NTRK2: variants seen among roughly 807,000 people sequenced by gnomAD.
NTRK2 encodes neurotrophic receptor tyrosine kinase 2, also known as BDNF/NT-3 growth factors receptor.
Under a neutral mutation model 94.5 loss-of-function variants are expected in NTRK2, and 13 were observed. The ratio of observed to expected loss-of-function variants is 0.14; its 90% CI spans 0.09 to 0.22. NTRK2 has a LOEUF of 0.22. Ranked by LOEUF, NTRK2 falls within the 10% of genes least tolerant of loss-of-function variation. The pLI, the probability that NTRK2 is intolerant of heterozygous loss-of-function variation, is 1.00. For missense variants in NTRK2, 639 were observed against 1,071.2 expected, an observed-to-expected ratio of 0.60 and a Z score of 5.63; for synonymous variants, 372 against 407.4, an observed-to-expected ratio of 0.91 and a Z score of 1.05.
At chr9:84,741,824 A>G (rs2063672803) in intron 9 of NTRK2, 68 bp from the exon 10 acceptor site, 1 of 1,341,080 alleles carries the variant, frequency 7.5e-7, no homozygotes, top group African/African-American at 1.4e-5. Flanking sequence ...ATTTTAGTTG[A>G]CATAGGTTAG....
At chr9:84,725,929 C>G (rs2132054473) in intron 8 of NTRK2, among the ~76,000 whole-genome samples, 1 of 152,224 alleles carries the variant, frequency 6.6e-6, no homozygotes, top group South Asian at 2.1e-4. Context: ...AGGAATGTCA[C>G]TGGTAACTGG....
At chr9:85,002,658 A>T (rs1425010149) in intron 17 of NTRK2, among the ~76,000 whole-genome samples, 1 of 152,250 alleles carries the variant, frequency 6.6e-6, no homozygotes, top group East Asian at 1.9e-4. Context: ...TACACACTGT[A>T]AAGAACTAGC....
At chr9:84,893,523 C>G (rs1290637549) in intron 14 of NTRK2, among the ~76,000 whole-genome samples, 1 of 152,094 alleles carries the variant, frequency 6.6e-6, no homozygotes, top group Non-Finnish European at 1.5e-5. Flanking sequence ...TTCTCATTGG[C>G]AGTGTAGATG....
At chr9:84,769,173 T>C (rs1327537406) in intron 12 of NTRK2, among the ~76,000 whole-genome samples, 1 of 152,142 alleles carries the variant, frequency 6.6e-6, no homozygotes, top group East Asian at 1.9e-4. Flanking sequence ...TTGCCTTAAA[T>C]TGTACGTGGT....
intron 12 of NTRK2, among the ~76,000 whole-genome samples, chr9:84,822,215 G>GA (rs2072894535): frequency 6.6e-6 from 1 of 152,118 alleles, no homozygotes; most frequent in Non-Finnish European, 1.5e-5. Flanking sequence ...CCAAGTGGAG[G>GA]AAAAACAAAG....
At chr9:84,968,522 G>A (rs1825824139) in intron 17 of NTRK2, among the ~76,000 whole-genome samples, 1 of 152,100 alleles carries the variant, frequency 6.6e-6, no homozygotes, top group Admixed American at 6.5e-5. Flanking sequence ...AGGGAATCTG[G>A]GTTTTTTGTC....
At chr9:84,874,222 C>A (rs201664916) in intron 14 of NTRK2, 190 of 1,065,246 alleles carry the variant, frequency 1.8e-4, no homozygotes, top group Non-Finnish European at 2.0e-4. Context: ...TGCAGAGTAG[C>A]CTCCTATGTT....
chr9:84,721,179 CTTTT>C (rs150800902), intron 6 of NTRK2, among the ~76,000 whole-genome samples: 1 of 147,052 alleles, frequency 6.8e-6, no homozygotes, highest in Non-Finnish European at 1.5e-5. Context: ...TCATAATAAT[CTTTT>C]TTTTTTTTTT....
intron 17 of NTRK2, among the ~76,000 whole-genome samples, chr9:85,018,315 C>T (rs1043236667): frequency 6.6e-6 from 1 of 152,158 alleles, no homozygotes; most frequent in Non-Finnish European, 1.5e-5. Context: ...CAGAGAATGG[C>T]AAGGAGACTA....
intron 14 of NTRK2, chr9:84,875,828 CTCT>C (rs1262287553): frequency 9.6e-7 from 1 of 1,045,034 alleles, no homozygotes; most frequent in Non-Finnish European, 1.2e-6. Context: ...GCAAGGAGGC[CTCT>C]ATCAATAGTA....
rs543578922 is a variant in NTRK2, at chr9:84,719,736, C to G, written c.584-3837C>G. On this transcript the variant is annotated intron_variant, in intron 6 of 18. Transcript: ENST00000277120. ...CTATAAATATAGAAAGTGGAAGAGTCGGCTGGGCACGGTGGCTCATACCTA... is the reference window on the plus strand; with the variant it reads ...CTATAAATATAGAAAGTGGAAGAGTGGGCTGGGCACGGTGGCTCATACCTA... Among the ~76,000 whole-genome samples, 5 of 151,894 alleles carry G rather than the reference C, an allele frequency of 3.3e-5. No homozygotes were observed. The East Asian group carries it at 9.7e-4, about 30-fold the overall frequency.
rs1833035453 is a variant in NTRK2, at chr9:85,026,383, C to T, written c.*4946C>T. 1 of 231,616 alleles carries T rather than the reference C, an allele frequency of 4.3e-6. No individual in the cohort carries two copies. Among genetic ancestry groups the T allele is most frequent in the Non-Finnish European group, 8.5e-6 (1 of 117,258 alleles). 14.3% of individuals were successfully genotyped at this position (231,616 alleles called of 1,614,324 possible). On this transcript the variant is annotated 3_prime_UTR_variant, in exon 19 of 19. Transcript: ENST00000277120. ...TAGCTGAACGTTCAATGTACTGGAG[C>T]AAGCATCATAAAAGCTGCTAGTAGC...
At chr9:84,978,733 G>A (rs1827215297) in intron 17 of NTRK2, among the ~76,000 whole-genome samples, 1 of 152,214 alleles carries the variant, frequency 6.6e-6, no homozygotes, top group Admixed American at 6.5e-5. Flanking sequence ...AGAAGTCAGT[G>A]CCTGGCTTCA....
intron 16 of NTRK2, among the ~76,000 whole-genome samples, chr9:84,950,959 G>C (rs889004478): frequency 1.3e-5 from 2 of 152,318 alleles, no homozygotes; most frequent in East Asian, 3.9e-4. Context: ...GCTGAAGAGG[G>C]CTTTGCACAG....
chr9:84,996,274 G>T (rs1829739100), intron 17 of NTRK2, among the ~76,000 whole-genome samples: 1 of 152,222 alleles, frequency 6.6e-6, no homozygotes, highest in African/African-American at 2.4e-5. Context: ...CAGCATGAAA[G>T]ACGTTGCTAT....
chr9:84,979,500 G>A (rs1332187693), intron 17 of NTRK2, among the ~76,000 whole-genome samples: 1 of 152,192 alleles, frequency 6.6e-6, no homozygotes, highest in Non-Finnish European at 1.5e-5. Flanking sequence ...TCTCATGAAT[G>A]AACAAATAAA....
intron 6 of NTRK2, among the ~76,000 whole-genome samples, chr9:84,715,609 TG>T (rs1469258910): frequency 6.6e-6 from 1 of 152,122 alleles, no homozygotes; most frequent in African/African-American, 2.4e-5. Flanking sequence ...CCACATTAAT[TG>T]GAATAGAGAG....
rs576347551 is a variant in NTRK2 at position 85,023,986 on chromosome 9, C to CT, written c.*2557dup. The CT allele has an allele frequency of 2.5e-3, 576 of 228,884 alleles. 1 individual carries two copies. Among genetic ancestry groups the CT allele is most frequent in the Non-Finnish European group, 2.8e-3 (320 of 115,510 alleles). The allele number at this position is 228,884 out of a possible 1,614,324, so 14.2% of individuals were successfully genotyped here. ...TGGGAGCATCCCATTCCAGTTTTGT[C>CT]TTTTTTTTCTCTGAAAGAAAAAAGC... On this transcript the variant is annotated 3_prime_UTR_variant, in exon 19 of 19. Coordinates refer to ENST00000277120, the MANE Select transcript of NTRK2 (RefSeq NM_006180.6).
At chr9:84,887,310 G>A (rs1274500599) in intron 14 of NTRK2, among the ~76,000 whole-genome samples, 1 of 152,100 alleles carries the variant, frequency 6.6e-6, no homozygotes, top group Non-Finnish European at 1.5e-5. Context: ...ACTTTCTCTA[G>A]GTCAGTTTTC....
Sources: allele counts gnomAD v4.1 joint callset (sites outside exome capture counted in the v4.1 genomes callset), GRCh38; gene constraint gnomAD v4.1.1; transcripts MANE v1.5; gene names NCBI Gene and HGNC (gene_info 2026-07-23, HGNC 2026-07-21).